The following SEMA3A variants were observed in gnomAD, a reference collection of about 807,000 sequenced individuals.
The protein encoded by SEMA3A is semaphorin 3A, also known as semaphorin-3A.
A neutral mutation model predicts 97.9 loss-of-function variants in SEMA3A; 29 were observed. The ratio of observed to expected loss-of-function variants is 0.30; its 90% CI spans 0.22 to 0.40. The LOEUF is 0.40. Among genes scored for constraint, SEMA3A ranks in the 10% least tolerant of loss-of-function variants. SEMA3A has a pLI of 1.00. For synonymous variants in SEMA3A, 321 were observed against 323.7 expected (o/e 0.99, Z 0.09); for missense variants, 763 against 951.3 (o/e 0.80, Z 2.60).
rs540356743 is a variant in SEMA3A at position 83,979,154 on chromosome 7, G to C, written c.1653-1958C>G. On this transcript the variant is annotated intron_variant, in intron 14 of 16. Coordinates refer to ENST00000265362, the MANE Select transcript of SEMA3A (RefSeq NM_006080.3). ...TCCACTTTTTTTTTTTTTTTTTCGA[G>C]ACAGAGTCTTGCTTTGTCACCCAGG... Among the ~76,000 whole-genome samples the C allele has an allele frequency of 3.0e-3, 416 of 137,568 alleles. 2 individuals carry two copies. Among genetic ancestry groups the C allele is most frequent in the African/African-American group, 0.011 (387 of 36,632 alleles). 90.2% of individuals were successfully genotyped at this position (137,568 alleles called of 152,430 possible). A position where few individuals can be genotyped will look rare whatever the true frequency, so the allele number is the denominator to read the frequency against.
chr7:84,359,457 G>A (rs1802655244), intron 2 of SEMA3A, among the ~76,000 whole-genome samples: 1 of 152,034 alleles, frequency 6.6e-6, no homozygotes, highest in African/African-American at 2.4e-5. Context: ...ATTTGCGTAT[G>A]TTGAACCAGC....
At chr7:84,343,714 T>C (rs749212368) in intron 2 of SEMA3A, among the ~76,000 whole-genome samples, 1 of 151,826 alleles carries the variant, frequency 6.6e-6, no homozygotes. Context: ...AATAGAAAAA[T>C]TGTGACTGGG....
At chr7:84,396,165 T>C (rs1197064761) in intron 1 of SEMA3A, among the ~76,000 whole-genome samples, 2 of 151,990 alleles carry the variant, frequency 1.3e-5, no homozygotes, top group Non-Finnish European at 1.5e-5. Flanking sequence ...AAGGCAATAA[T>C]TGAAAACTAA....
intron 1 of SEMA3A, among the ~76,000 whole-genome samples, chr7:84,451,781 T>G (rs1457555491): frequency 6.6e-6 from 1 of 152,218 alleles, no homozygotes. Flanking sequence ...GACACTTCAT[T>G]GCAAATAGGA....
chr7:84,202,264 A>G (rs1260499876), intron 3 of SEMA3A, among the ~76,000 whole-genome samples: 2 of 152,198 alleles, frequency 1.3e-5, no homozygotes, highest in Non-Finnish European at 1.5e-5. Context: ...GAGGAAATGC[A>G]TATGCTAATT....
At chr7:84,161,371 A>T (rs1797029368) in intron 1 of SEMA3A, among the ~76,000 whole-genome samples, 1 of 152,176 alleles carries the variant, frequency 6.6e-6, no homozygotes, top group Non-Finnish European at 1.5e-5. Flanking sequence ...TCTCAAAAAA[A>T]AAAGAATTTT....
chr7:84,227,512 A>G (rs758179588), intron 3 of SEMA3A, among the ~76,000 whole-genome samples: 34 of 152,044 alleles, frequency 2.2e-4, no homozygotes, highest in Non-Finnish European at 4.7e-4. Context: ...CATCTTCTCA[A>G]TTTATTCAAT....
At chr7:84,354,730 T>A (rs2116038234) in intron 2 of SEMA3A, among the ~76,000 whole-genome samples, 1 of 151,808 alleles carries the variant, frequency 6.6e-6, no homozygotes, top group Non-Finnish European at 1.5e-5. Flanking sequence ...AAGAATTTAA[T>A]GCTTTTTTAG....
intron 1 of SEMA3A, among the ~76,000 whole-genome samples, chr7:84,390,772 C>T (rs548451256): frequency 4.6e-5 from 7 of 151,944 alleles, no homozygotes; most frequent in African/African-American, 1.2e-4. Flanking sequence ...AATATTTTCT[C>T]GAACTGTTAA....
intron 3 of SEMA3A, among the ~76,000 whole-genome samples, chr7:84,112,052 C>T (rs1795289590): frequency 6.6e-6 from 1 of 152,120 alleles, no homozygotes; most frequent in African/African-American, 2.4e-5. Flanking sequence ...GAAAGGGAAA[C>T]ATCTGATAAA....
chr7:84,105,778 A>G (rs1209926072), intron 4 of SEMA3A, among the ~76,000 whole-genome samples: 2 of 152,176 alleles, frequency 1.3e-5, no homozygotes, highest in Non-Finnish European at 2.9e-5. Flanking sequence ...TTTGCCTCTC[A>G]AGGATGACTC....
Position 83,956,636 on chromosome 7 carries a change from CAG to C in SEMA3A, c.*4733_*4734del, listed in dbSNP as rs1788287287. 1.3e-5 allele frequency: 2 copies of C among 152,092 alleles called. No homozygotes were observed. Among genetic ancestry groups the C allele is most frequent in the South Asian group, 2.1e-4 (1 of 4,830 alleles). 9.4% of individuals were successfully genotyped at this position (152,092 alleles called of 1,614,324 possible). A position where few individuals can be genotyped will look rare whatever the true frequency, so the allele number is the denominator to read the frequency against. On this transcript the variant is annotated 3_prime_UTR_variant, in exon 17 of 17. Coordinates refer to ENST00000265362, the MANE Select transcript of SEMA3A (RefSeq NM_006080.3). The stretch of plus-strand genomic sequence containing the variant: ...CAAGGATGCGAATGTGGGGTACAAA[CAG>C]AGGGCAATAAATCAAAACCCAGGAA...
intron 14 of SEMA3A, among the ~76,000 whole-genome samples, chr7:83,980,623 A>AAAAAATATATAT (rs1310318006): frequency 7.0e-5 from 5 of 71,758 alleles, no homozygotes; most frequent in African/African-American, 3.3e-4. Flanking sequence ...AAAAAAAAAA[A>AAAAAATATATAT]ATATATATAT....
chr7:83,966,843 CTGGGAT>C (rs1324693583), intron 15 of SEMA3A, among the ~76,000 whole-genome samples: 5 of 152,022 alleles, frequency 3.3e-5, no homozygotes, highest in Non-Finnish European at 5.9e-5. Flanking sequence ...TCCCTAGTAG[CTGGGAT>C]TACAGGCATG....
chr7:84,416,468 A>C (rs1804439146), intron 1 of SEMA3A, among the ~76,000 whole-genome samples: 1 of 152,058 alleles, frequency 6.6e-6, no homozygotes, highest in African/African-American at 2.4e-5. Context: ...TATACATGTA[A>C]TGTCAACTTG....
chr7:84,262,159 T>G (rs1330622322), intron 3 of SEMA3A, among the ~76,000 whole-genome samples: 7 of 152,188 alleles, frequency 4.6e-5, no homozygotes, highest in African/African-American at 9.7e-5. Context: ...AGGTATACTT[T>G]TAACTGGTGG....
In SEMA3A at chr7:84,295,961, G is replaced by A. The variant is rs73384886; in HGVS notation, c.-83+11246C>T. 9.9e-3 allele frequency among the ~76,000 whole-genome samples: 1,506 copies of A among 152,036 alleles called. 35 individuals are homozygous for A. The highest frequency in any genetic ancestry group is 0.035 in the African/African-American group (1,439 of 41,490). On this transcript the variant is annotated intron_variant, in intron 3 of 3. Transcript: ENST00000424555. Reference sequence around the variant, plus strand: ...ATACACTACTCATGTTGTGTTAGAAGCAGCAAGAAATCATGAAAATGATTC... The same window carrying A: ...ATACACTACTCATGTTGTGTTAGAAACAGCAAGAAATCATGAAAATGATTC...
intron 1 of SEMA3A, among the ~76,000 whole-genome samples, chr7:84,421,781 GT>G (rs560916286): frequency 1.3e-5 from 2 of 151,828 alleles, no homozygotes; most frequent in South Asian, 2.1e-4. Context: ...TAATCATGTG[GT>G]TTTTTTTGTT....
At chr7:84,096,358 A>AT in intron 4 of SEMA3A, among the ~76,000 whole-genome samples, 1 of 152,154 alleles carries the variant, frequency 6.6e-6, no homozygotes, top group East Asian at 1.9e-4. Context: ...TTATAAACTT[A>AT]TTTTTTAGCA....
Sources: allele counts gnomAD v4.1 joint callset (sites outside exome capture counted in the v4.1 genomes callset), GRCh38; gene constraint gnomAD v4.1.1; transcripts MANE v1.5; gene names NCBI Gene and HGNC (gene_info 2026-07-23, HGNC 2026-07-21).